Variants in LSAMP observed in about 807,000 individuals in gnomAD.
LSAMP encodes limbic system associated membrane protein.
In LSAMP, 7 loss-of-function variants were observed where a neutral mutation model predicts 38.6. The ratio of observed to expected loss-of-function variants is 0.18; its 90% CI spans 0.10 to 0.34. The LOEUF (loss-of-function observed/expected upper bound fraction) is 0.34, where lower values mean the gene tolerates loss of function less well. Ranked by LOEUF, LSAMP falls within the 10% of genes least tolerant of loss-of-function variation. The pLI, the probability that LSAMP is intolerant of heterozygous loss-of-function variation, is 1.00. For missense variants in LSAMP, 313 were observed against 420.0 expected (o/e 0.75, Z 2.23); for synonymous variants, 154 against 166.8 (o/e 0.92, Z 0.59).
intron 1 of LSAMP, among the ~76,000 whole-genome samples, chr3:116,147,425 A>G (rs1293252525): frequency 1.3e-5 from 2 of 151,976 alleles, no homozygotes; most frequent in East Asian, 1.9e-4. Flanking sequence ...ATTCTCCAAT[A>G]TTTTGCTACT....
chr3:116,260,258 G>A (rs974992887), intron 1 of LSAMP, among the ~76,000 whole-genome samples: 1 of 151,972 alleles, frequency 6.6e-6, no homozygotes, highest in Non-Finnish European at 1.5e-5. Flanking sequence ...GATCTCATTT[G>A]ATATTTACTG....
At chr3:115,998,683 A>G (rs945227470) in intron 3 of LSAMP, among the ~76,000 whole-genome samples, 3 of 152,118 alleles carry the variant, frequency 2.0e-5, no homozygotes, top group Admixed American at 2.0e-4. Flanking sequence ...TTTGAGACAC[A>G]CAAGTCTAAG....
chr3:116,283,232 A>G (rs2047150856), intron 1 of LSAMP, among the ~76,000 whole-genome samples: 1 of 152,052 alleles, frequency 6.6e-6, no homozygotes. Context: ...GAAAGAAAGA[A>G]AGGAGGAAAA....
At chr3:115,981,004 T>C (rs1939342742) in intron 3 of LSAMP, among the ~76,000 whole-genome samples, 1 of 152,148 alleles carries the variant, frequency 6.6e-6, no homozygotes, top group Non-Finnish European at 1.5e-5. Context: ...CTTCCACTAG[T>C]TGTTTTCAAC....
intron 1 of LSAMP, among the ~76,000 whole-genome samples, chr3:116,246,634 TAAAC>T (rs1277708356): frequency 6.6e-6 from 1 of 152,156 alleles, no homozygotes; most frequent in Non-Finnish European, 1.5e-5. Context: ...AGCACCGTGA[TAAAC>T]AACCCAACTG....
At chr3:116,203,735 AT>A (rs1434701425) in intron 1 of LSAMP, among the ~76,000 whole-genome samples, 3 of 151,810 alleles carry the variant, frequency 2.0e-5, no homozygotes, top group African/African-American at 7.3e-5. Context: ...TGAACTCATC[AT>A]TTTTTATGGC....
At chr3:116,190,088 G>GAC (rs3071108) in intron 1 of LSAMP, among the ~76,000 whole-genome samples, 9,278 of 142,608 alleles carry the variant, frequency 0.065, 351 homozygotes, top group African/African-American at 0.092. Flanking sequence ...TCCAGTAGTA[G>GAC]ACACACACAC....
At chr3:116,163,458 C>CT (rs1709951379) in intron 1 of LSAMP, among the ~76,000 whole-genome samples, 3 of 151,456 alleles carry the variant, frequency 2.0e-5, no homozygotes, top group African/African-American at 7.3e-5. Flanking sequence ...GCCACATTTT[C>CT]TTAATCCAGT....
intron 1 of LSAMP, among the ~76,000 whole-genome samples, chr3:116,238,217 C>A (rs1271558084): frequency 1.3e-5 from 2 of 152,126 alleles, no homozygotes; most frequent in African/African-American, 4.8e-5. Context: ...GGGCTTTTAC[C>A]TTTTTAATTG....
At chr3:115,961,060 G>GAC (rs1286373655) in intron 3 of LSAMP, among the ~76,000 whole-genome samples, 3 of 152,194 alleles carry the variant, frequency 2.0e-5, no homozygotes, top group Non-Finnish European at 4.4e-5. Flanking sequence ...CTTTTCAGCA[G>GAC]CAGCTTAACG....
chr3:116,053,208 CTGCTTAGTGTCAGAAATGAA>C (rs1259902227), intron 2 of LSAMP, among the ~76,000 whole-genome samples: 1 of 152,244 alleles, frequency 6.6e-6, no homozygotes, highest in Non-Finnish European at 1.5e-5. Flanking sequence ...AAAATCCTCT[CTGCTTAGTGTCAGAAATGAA>C]TGCTTAGTGT....
intron 3 of LSAMP, among the ~76,000 whole-genome samples, chr3:115,969,109 G>A (rs559623786): frequency 3.9e-5 from 6 of 152,162 alleles, no homozygotes; most frequent in Non-Finnish European, 2.9e-5. Flanking sequence ...CCGCTTCAGT[G>A]CCTCTTTCAG....
intron 1 of LSAMP, among the ~76,000 whole-genome samples, chr3:116,136,929 G>A (rs925043433): frequency 6.6e-6 from 1 of 152,052 alleles, no homozygotes; most frequent in Non-Finnish European, 1.5e-5. Context: ...CACAAACTTG[G>A]TGGCTTAAAA....
chr3:115,856,428 G>A lies in LSAMP; in HGVS notation c.515-3811C>T, dbSNP rs535558906. On this transcript the variant is annotated intron_variant, in intron 3 of 6. Coordinates refer to ENST00000490035, the MANE Select transcript of LSAMP (RefSeq NM_002338.5). ...AGGTCAAGAGTTCAAAACCAGCCAG[G>A]CCAACATGGTGAAACCCCGTTTCTA... Among the ~76,000 whole-genome samples, 4 of 152,200 alleles carry A rather than the reference G, an allele frequency of 2.6e-5. No individual in the cohort carries two copies. The East Asian group carries it at 7.7e-4, about 29-fold the overall frequency.
At chr3:116,243,849 T>TA in intron 1 of LSAMP, among the ~76,000 whole-genome samples, 3 of 152,358 alleles carry the variant, frequency 2.0e-5, no homozygotes, top group East Asian at 3.9e-4. Context: ...CTTAATTTAT[T>TA]AAAAATTATT....
At chr3:116,039,864 G>A (rs1449839371) in intron 2 of LSAMP, among the ~76,000 whole-genome samples, 9 of 152,254 alleles carry the variant, frequency 5.9e-5, no homozygotes, top group African/African-American at 2.2e-4. Flanking sequence ...AGTTTTCAAT[G>A]ACCAGCTTGT....
At chr3:116,161,906 T>A (rs1709897097) in intron 1 of LSAMP, among the ~76,000 whole-genome samples, 1 of 151,886 alleles carries the variant, frequency 6.6e-6, no homozygotes, top group South Asian at 2.1e-4. Flanking sequence ...CACACACATA[T>A]ACACGTAGAT....
intron 3 of LSAMP, among the ~76,000 whole-genome samples, chr3:115,895,036 T>A (rs1936693545): frequency 6.6e-6 from 1 of 151,996 alleles, no homozygotes; most frequent in African/African-American, 2.4e-5. Flanking sequence ...CTTGTTAAAG[T>A]CAGACAAACA....
intron 3 of LSAMP, among the ~76,000 whole-genome samples, chr3:115,854,626 G>A (rs1391171571): frequency 1.3e-5 from 2 of 152,180 alleles, no homozygotes; most frequent in Non-Finnish European, 2.9e-5. Flanking sequence ...GTAGAATGTA[G>A]TAGAGAAGAA....
Sources: gnomAD v4.1 joint callset for allele counts (sites outside exome capture counted in the v4.1 genomes callset) on GRCh38, gnomAD v4.1.1 for gene constraint, MANE v1.5 for transcripts, NCBI Gene and HGNC (gene_info 2026-07-23, HGNC 2026-07-21) for gene names.